ST3GAL1: variants seen among roughly 807,000 people sequenced by gnomAD.
ST3GAL1 encodes ST3 beta-galactoside alpha-2,3-sialyltransferase 1, also known as CMP-N-acetylneuraminate-beta-galactosamide-alpha-2,3-sialyltransferase 1.
ST3GAL1 carries 16 observed loss-of-function variants against 34.1 expected under a neutral mutation model. The ratio of observed to expected loss-of-function variants is 0.47; its 90% CI spans 0.32 to 0.71. ST3GAL1 has a LOEUF of 0.71. Ranked by LOEUF, ST3GAL1 falls within the 30% of genes least tolerant of loss-of-function variation. The pLI is 0.04. For missense variants in ST3GAL1, 353 were observed against 447.4 expected, an observed-to-expected ratio of 0.79 and a Z score of 1.90; for synonymous variants, 191 against 184.7, an observed-to-expected ratio of 1.03 and a Z score of -0.28.
chr8:133,509,176 G>T (rs1220912364), intron 2 of ST3GAL1, among the ~76,000 whole-genome samples: 4 of 152,190 alleles, frequency 2.6e-5, no homozygotes, highest in African/African-American at 9.7e-5. Context: ...AAAATAATTA[G>T]CTAATTAACT....
chr8:133,553,086 C>T (rs901449778), intron 1 of ST3GAL1, among the ~76,000 whole-genome samples: 13 of 152,084 alleles, frequency 8.5e-5, no homozygotes, highest in South Asian at 2.1e-4. Flanking sequence ...AATGTAGAGA[C>T]GGCGCCAGGG....
intron 2 of ST3GAL1, among the ~76,000 whole-genome samples, chr8:133,499,759 G>A (rs79904707): frequency 0.097 from 14,730 of 152,156 alleles, 886 homozygotes; most frequent in Admixed American, 0.15. Context: ...ACCGAAGCTC[G>A]GAGGTCGAGC....
intron 1 of ST3GAL1, among the ~76,000 whole-genome samples, chr8:133,562,893 A>C (rs1394458822): frequency 1.4e-5 from 2 of 143,618 alleles, no homozygotes; most frequent in South Asian, 4.3e-4. Flanking sequence ...ATTTCCAAAA[A>C]GGTAAATGTC....
chr8:133,516,115 CA>C (rs1300245164), intron 2 of ST3GAL1: 1 of 152,266 alleles, frequency 6.6e-6, no homozygotes, highest in African/African-American at 2.4e-5. Flanking sequence ...CTCGGCCTCC[CA>C]AAGTGCTGGG....
chr8:133,464,673 G>T, intron 7 of ST3GAL1, 105 bp downstream of exon 7: 1 of 1,317,802 alleles, frequency 7.6e-7, no homozygotes, highest in Non-Finnish European at 1.0e-6. Flanking sequence ...GGCTGGGGGA[G>T]GGGAGGCACC....
chr8:133,519,846 A>T (rs1388988080), intron 2 of ST3GAL1, among the ~76,000 whole-genome samples: 1 of 152,266 alleles, frequency 6.6e-6, no homozygotes, highest in East Asian at 1.9e-4. Context: ...GCTACTTGGG[A>T]GGCTGAGGCA....
chr8:133,476,764 G>A (rs187277288), intron 3 of ST3GAL1, among the ~76,000 whole-genome samples, 164 bp from the exon 4 acceptor site: 11 of 152,348 alleles, frequency 7.2e-5, no homozygotes, highest in African/African-American at 1.4e-4. Context: ...GTGAGCCTGA[G>A]TGCGTGCATA....
At chr8:133,484,494 G>A (rs1396049126) in intron 3 of ST3GAL1, among the ~76,000 whole-genome samples, 3 of 152,066 alleles carry the variant, frequency 2.0e-5, no homozygotes, top group South Asian at 2.1e-4. Context: ...ATGTCTAAAC[G>A]TTTCTTTCCT....
At chr8:133,534,760 T>C (rs1312951798) in intron 2 of ST3GAL1, among the ~76,000 whole-genome samples, 1 of 152,154 alleles carries the variant, frequency 6.6e-6, no homozygotes, top group East Asian at 1.9e-4. Context: ...GCTAGCCAGA[T>C]ATCATGTCTA....
In ST3GAL1 at chr8:133,456,966, T is replaced by G. The variant is rs1815323825; in HGVS notation, c.*2798A>C. The G allele has an allele frequency of 6.6e-6, 1 of 152,264 alleles. No individual in the cohort carries two copies. Among genetic ancestry groups the G allele is most frequent in the African/African-American group, 2.4e-5 (1 of 41,440 alleles). 9.4% of individuals were successfully genotyped at this position (152,264 alleles called of 1,614,324 possible). On this transcript the variant is annotated 3_prime_UTR_variant, in exon 10 of 10. Coordinates refer to ENST00000522652, the MANE Select transcript of ST3GAL1 (RefSeq NM_173344.3). ...AGTTCACGACTGCCCGTCACTTCCCTCCTTCACACTGCACCAGGAAAAGGC... is the reference window on the plus strand; with the variant it reads ...AGTTCACGACTGCCCGTCACTTCCCGCCTTCACACTGCACCAGGAAAAGGC...
rs1224457939 is a variant in ST3GAL1, at chr8:133,571,012, A to G, written c.-582+681T>C. Among the ~76,000 whole-genome samples the G allele has an allele frequency of 6.6e-6, 1 of 152,160 alleles. No homozygotes were observed. The highest frequency in any genetic ancestry group is 1.5e-5 in the Non-Finnish European group (1 of 68,010). ...CCACCCGCGTCCCCCACTGTCCGCCACGCCGCGTTCAGCTCTCTTGTCCCG... is the reference window on the plus strand; with the variant it reads ...CCACCCGCGTCCCCCACTGTCCGCCGCGCCGCGTTCAGCTCTCTTGTCCCG... On this transcript the variant is annotated intron_variant, in intron 1 of 9. Coordinates refer to ENST00000522652, the MANE Select transcript of ST3GAL1 (RefSeq NM_173344.3). This position sits in a 1 kb window ranked among gnomAD's most constrained non-coding sequence, Gnocchi z 6.7.
chr8:133,518,634 C>T (rs1554616403), intron 2 of ST3GAL1, among the ~76,000 whole-genome samples: 1 of 152,194 alleles, frequency 6.6e-6, no homozygotes, highest in Non-Finnish European at 1.5e-5. Flanking sequence ...CACAGCCCCA[C>T]CCAGGAGGAC....
intron 3 of ST3GAL1, among the ~76,000 whole-genome samples, chr8:133,498,380 A>G (rs1482696185): frequency 6.6e-6 from 1 of 152,196 alleles, no homozygotes; most frequent in Non-Finnish European, 1.5e-5. Context: ...TCTGGGCCTC[A>G]GTGTCCTTAT....
chr8:133,511,436 G>A (rs1024350546), intron 2 of ST3GAL1, among the ~76,000 whole-genome samples: 3 of 152,216 alleles, frequency 2.0e-5, no homozygotes, highest in African/African-American at 7.2e-5. Context: ...ATGTAGATGT[G>A]CACTGTTTCA....
intron 6 of ST3GAL1, chr8:133,465,617 C>A: frequency 2.7e-6 from 1 of 366,268 alleles, no homozygotes; most frequent in Non-Finnish European, 4.9e-6. Flanking sequence ...TGCCCTCTCC[C>A]CAGGCCTCCA....
intron 2 of ST3GAL1, among the ~76,000 whole-genome samples, chr8:133,524,129 C>T (rs1268667483): frequency 6.6e-6 from 1 of 152,216 alleles, no homozygotes; most frequent in Non-Finnish European, 1.5e-5. Flanking sequence ...TCAATTGCTC[C>T]TATACCTTGA....
At chr8:133,562,025 G>C (rs544566807) in intron 1 of ST3GAL1, among the ~76,000 whole-genome samples, 2 of 151,996 alleles carry the variant, frequency 1.3e-5, no homozygotes, top group South Asian at 4.2e-4. Flanking sequence ...AAGTTGCAGT[G>C]AGCCAAGATC....
At chr8:133,463,768 C>T (rs950178269) in intron 7 of ST3GAL1, among the ~76,000 whole-genome samples, 24 of 152,352 alleles carry the variant, frequency 1.6e-4, no homozygotes, top group Non-Finnish European at 2.4e-4. Flanking sequence ...GCCGTGGTGC[C>T]TCCACCTCTC....
At position 133,461,732 on chromosome 8, in the gene ST3GAL1, C is replaced by A. The variant is rs1436035992; in HGVS notation, c.849+143G>T. 4 of 1,191,994 alleles carry A rather than the reference C, an allele frequency of 3.4e-6. No individual in the cohort carries two copies. In the South Asian group the frequency reaches 4.4e-5, roughly 13 times the overall value. The allele number at this position is 1,191,994 out of a possible 1,614,324, so 73.8% of individuals were successfully genotyped here. A position where few individuals can be genotyped will look rare whatever the true frequency, so the allele number is the denominator to read the frequency against. On this transcript the variant is annotated intron_variant, in intron 9 of 9. Transcript: ENST00000522652. This position sits in a 1 kb window ranked among gnomAD's most constrained non-coding sequence, Gnocchi z 4.7. ...AAAACACCCTGGGAGACACATGTTG[C>A]AAGTCCTGTCGTAGAGACAGGGAAT...
Sources: allele counts gnomAD v4.1 joint callset (sites outside exome capture counted in the v4.1 genomes callset), GRCh38; gene constraint gnomAD v4.1.1; non-coding constraint Gnocchi (gnomAD v3.1); transcripts MANE v1.5; gene names NCBI Gene and HGNC (gene_info 2026-07-23, HGNC 2026-07-21).